Variants in VPS13A observed in about 807,000 individuals in gnomAD.
VPS13A encodes vacuolar protein sorting 13 homolog A, also known as intermembrane lipid transfer protein VPS13A.
In VPS13A, 264 loss-of-function variants were observed where a neutral mutation model predicts 390.9. The ratio of observed to expected loss-of-function variants is 0.68; its 90% CI spans 0.61 to 0.75. The LOEUF is 0.75. Among genes scored for constraint, VPS13A ranks in the 30% least tolerant of loss-of-function variants. The probability of loss-of-function intolerance (pLI) is 0.00; values close to 1 mark genes in which losing one functional copy is unlikely to be tolerated. For missense variants in VPS13A, 3,409 were observed against 3,733.9 expected, an observed-to-expected ratio of 0.91 and a Z score of 2.27; for synonymous variants, 1,231 against 1,227.1, an observed-to-expected ratio of 1.00 and a Z score of -0.07.
At chr9:77,396,642 G>C (rs1025717448) in intron 68 of VPS13A, among the ~76,000 whole-genome samples, 1 of 152,094 alleles carries the variant, frequency 6.6e-6, no homozygotes, top group African/African-American at 2.4e-5. Flanking sequence ...CGAGTCTGAG[G>C]TTTGAAGTGA....
chr9:77,314,986 G>A (rs1375397347), intron 37 of VPS13A, among the ~76,000 whole-genome samples: 2 of 152,088 alleles, frequency 1.3e-5, no homozygotes, highest in Non-Finnish European at 2.9e-5. Flanking sequence ...GCAATGGGAA[G>A]TACATAAAAA....
chr9:77,220,153 T>C (rs1823110859), intron 11 of VPS13A, 72 bp downstream of exon 11: 1 of 1,526,988 alleles, frequency 6.5e-7, no homozygotes, highest in Non-Finnish European at 8.9e-7. Flanking sequence ...TTTTAAATGT[T>C]TCACTAAAAT....
rs375699178 is a variant in VPS13A, at chr9:77,332,740, A to T, written c.6095+627A>T. ...AATTGAAAATAATCTCTTATGTGGA[A>T]ATTGAACCTTATTGGAGAATAAAAC... On this transcript the variant is annotated intron_variant, in intron 46 of 71. Transcript: ENST00000360280. Among the ~76,000 whole-genome samples the T allele has an allele frequency of 5.9e-5, 9 of 152,150 alleles. No homozygotes were observed. The East Asian group carries it at 1.3e-3, about 23-fold the overall frequency.
rs751415681 is a variant in VPS13A at position 77,201,352 on chromosome 9, AT to A, written c.145-7del. On this transcript the variant is annotated splice_polypyrimidine_tract_variant and intron_variant, in intron 2 of 71. Coordinates refer to ENST00000360280, the MANE Select transcript of VPS13A (RefSeq NM_033305.3). ...CTACTAATGTTTTGTGTATATATAA[AT>A]TTTTTCTGTAGAGTCAACTGGATGT... is the stretch of plus-strand genomic sequence containing the variant. 1.3e-6 allele frequency: 2 copies of A among 1,590,496 alleles called. No individual in the cohort carries two copies. The highest frequency in any genetic ancestry group is 1.7e-6 in the Non-Finnish European group (2 of 1,159,106).
At position 77,225,999 on chromosome 9, in the gene VPS13A, G is replaced by A; in HGVS notation, c.1224+11G>A. ...ACGGCAGAAGTTGAGGTAATTCTTG[G>A]CTTTTCAATTAGTAAAAATAATTCT... On this transcript the variant is annotated intron_variant, in intron 14 of 71. Transcript: ENST00000360280. The A allele has an allele frequency of 1.2e-6, 2 of 1,606,330 alleles. No individual in the cohort carries two copies. The highest frequency in any genetic ancestry group is 1.1e-5 in the South Asian group (1 of 90,770).
At chr9:77,306,420 G>T (rs7469665) in intron 34 of VPS13A, among the ~76,000 whole-genome samples, 3 of 145,738 alleles carry the variant, frequency 2.1e-5, no homozygotes, top group African/African-American at 5.3e-5. Context: ...GTGTTTGTGT[G>T]TGTGTGTGTG....
chr9:77,179,687 G>C (rs1467971693), intron 1 of VPS13A, among the ~76,000 whole-genome samples: 1 of 130,902 alleles, frequency 7.6e-6, no homozygotes, highest in Non-Finnish European at 1.6e-5. Flanking sequence ...TGGGTTGTAC[G>C]TTTTTTTTTT....
intron 1 of VPS13A, among the ~76,000 whole-genome samples, chr9:77,192,731 T>A (rs1824755541): frequency 6.6e-6 from 1 of 152,212 alleles, no homozygotes. Context: ...TGGGATTCCC[T>A]TTGTAGTAGA....
chr9:77,278,679 A>G (rs548120508), intron 26 of VPS13A, among the ~76,000 whole-genome samples: 17 of 152,250 alleles, frequency 1.1e-4, no homozygotes, highest in African/African-American at 4.1e-4. Flanking sequence ...AACTCTGTGC[A>G]ATTTGTGGCA....
At chr9:77,207,374 TATATA>T (rs1417057520) in intron 5 of VPS13A, among the ~76,000 whole-genome samples, 3 of 149,318 alleles carry the variant, frequency 2.0e-5, no homozygotes, top group Non-Finnish European at 4.4e-5. Flanking sequence ...ATATATGACA[TATATA>T]ATATATAACG....
intron 1 of VPS13A, among the ~76,000 whole-genome samples, chr9:77,189,074 C>G (rs1417714942): frequency 1.4e-5 from 2 of 147,638 alleles, no homozygotes; most frequent in African/African-American, 5.0e-5. Context: ...TCTGTTTACT[C>G]TGTGGACAGT....
chr9:77,374,035 A>G (rs1186641473), intron 67 of VPS13A, among the ~76,000 whole-genome samples: 9 of 152,326 alleles, frequency 5.9e-5, no homozygotes, highest in East Asian at 1.9e-4. Flanking sequence ...CTATATATCA[A>G]TTATAAAATT....
chr9:77,363,404 A>ATTTTTTTTTTTTTT (rs61370510), intron 59 of VPS13A, among the ~76,000 whole-genome samples: 5 of 78,350 alleles, frequency 6.4e-5, no homozygotes, highest in Non-Finnish European at 1.4e-4. Flanking sequence ...TTTTTTTTTT[A>ATTTTTTTTTTTTTT]TTTTTTTTTT....
intron 70 of VPS13A, among the ~76,000 whole-genome samples, chr9:77,407,250 C>G (rs1834663201): frequency 6.6e-6 from 1 of 152,208 alleles, no homozygotes; most frequent in Non-Finnish European, 1.5e-5. Flanking sequence ...CAACTTACCT[C>G]CTTCCCATCC....
chr9:77,258,129 G>A (rs760115262), intron 22 of VPS13A, among the ~76,000 whole-genome samples: 1 of 152,176 alleles, frequency 6.6e-6, no homozygotes, highest in African/African-American at 2.4e-5. Flanking sequence ...GTTTTAGACT[G>A]TAGGTAGTCA....
At chr9:77,378,392 G>T (rs1833230503) in intron 67 of VPS13A, among the ~76,000 whole-genome samples, 1 of 151,954 alleles carries the variant, frequency 6.6e-6, no homozygotes, top group South Asian at 2.1e-4. Flanking sequence ...ATAGGAATTT[G>T]TTCAATTCAT....
chr9:77,264,225 G>A (rs1161359683), intron 23 of VPS13A, among the ~76,000 whole-genome samples: 1 of 152,158 alleles, frequency 6.6e-6, no homozygotes, highest in Admixed American at 6.5e-5. Context: ...AAGTCAGGTA[G>A]CGTGATGCCT....
chr9:77,351,830 C>G (rs1161946295), intron 53 of VPS13A, among the ~76,000 whole-genome samples: 9 of 152,226 alleles, frequency 5.9e-5, no homozygotes, highest in African/African-American at 2.2e-4. Flanking sequence ...GATCACGCCA[C>G]TGCACTCCAG....
At chr9:77,394,099 C>CT (rs953099266) in intron 68 of VPS13A, among the ~76,000 whole-genome samples, 39 of 152,200 alleles carry the variant, frequency 2.6e-4, no homozygotes, top group Non-Finnish European at 5.0e-4. Context: ...GAGTCTCACT[C>CT]TGTCACCCAG....
Sources: gnomAD v4.1 joint callset for allele counts (sites outside exome capture counted in the v4.1 genomes callset) on GRCh38, gnomAD v4.1.1 for gene constraint, MANE v1.5 for transcripts, NCBI Gene and HGNC (gene_info 2026-07-23, HGNC 2026-07-21) for gene names.